DTNA: variants seen among roughly 807,000 people sequenced by gnomAD.
DTNA encodes the protein dystrobrevin alpha, also known as dystrophin-related protein 3.
A neutral mutation model predicts 100.7 loss-of-function variants in DTNA; 43 were observed. The ratio of observed to expected loss-of-function variants is 0.43; its 90% confidence interval spans 0.33 to 0.55. DTNA has a LOEUF of 0.55. DTNA is among the 20% of genes least tolerant of loss of function. The pLI is 0.04. For synonymous variants in DTNA, 349 were observed against 347.9 expected (o/e 1.00, Z -0.04); for missense variants, 798 against 953.9 (o/e 0.84, Z 2.15).
At chr18:34,574,430 AG>A (rs2047913390) in intron 1 of DTNA, 1 of 153,762 alleles carries the variant, frequency 6.5e-6, no homozygotes, top group Non-Finnish European at 1.4e-5. Context: ...ATACACACAG[AG>A]GAGTGGAAGT....
intron 1 of DTNA, among the ~76,000 whole-genome samples, chr18:34,685,784 T>C (rs1240877645): frequency 6.6e-6 from 1 of 152,232 alleles, no homozygotes; most frequent in African/African-American, 2.4e-5. Flanking sequence ...GGAATGTTTT[T>C]CCATTTGTTT....
At chr18:34,656,114 C>T (rs2074334423) in intron 1 of DTNA, among the ~76,000 whole-genome samples, 1 of 152,178 alleles carries the variant, frequency 6.6e-6, no homozygotes, top group Non-Finnish European at 1.5e-5. Flanking sequence ...GTTTGCATTA[C>T]AGGATGGTTT....
intron 3 of DTNA, among the ~76,000 whole-genome samples, chr18:34,778,708 A>C (rs775195053): frequency 6.6e-6 from 1 of 152,262 alleles, no homozygotes; most frequent in African/African-American, 2.4e-5. Context: ...AGTGACCTTC[A>C]TGGTACCCCT....
rs184833683 is a variant in DTNA at position 34,787,844 on chromosome 18, C to A, written c.149-6193C>A. ...CTATTTCCATTTATGTATGTAAAGA[C>A]AAATCTTAGGTCTTAATAATTAATG... On this transcript the variant is annotated intron_variant, in intron 3 of 22. Coordinates refer to ENST00000444659, the MANE Select transcript of DTNA (RefSeq NM_001386795.1). Among the ~76,000 whole-genome samples, 161 of 152,218 alleles carry A rather than the reference C, an allele frequency of 1.1e-3. 4 individuals carry two copies. Among genetic ancestry groups the A allele is most frequent in the Middle Eastern group, 6.8e-3 (2 of 294 alleles).
At position 34,820,985 on chromosome 18, in the gene DTNA, G is replaced by A. The variant is rs572834817; in HGVS notation, c.1001+70G>A. 10 of 1,608,020 alleles carry A rather than the reference G, an allele frequency of 6.2e-6. No individual in the cohort carries two copies. The Admixed American group carries it at 6.7e-5, about 11-fold the overall frequency. On this transcript the variant is annotated intron_variant, in intron 9 of 22. Transcript: ENST00000444659. ...GGCACATGTCTGGAGCCACACAAAAGCAATTTCCTATCAGTGGTCAGCAAC... is the reference window on the plus strand; with the variant it reads ...GGCACATGTCTGGAGCCACACAAAAACAATTTCCTATCAGTGGTCAGCAAC...
At chr18:34,671,063 G>A (rs909567426) in intron 1 of DTNA, among the ~76,000 whole-genome samples, 4 of 152,146 alleles carry the variant, frequency 2.6e-5, no homozygotes, top group Admixed American at 2.0e-4. Context: ...GCTGTGGTGG[G>A]CTCCACCCAG....
In DTNA at chr18:34,818,224, G is replaced by A. The variant is rs772676722; in HGVS notation, c.770G>A (p.Arg257Gln). Reference sequence around the variant, plus strand: ...GAGAGTATGATGGGATTTCGCTACCGATGCCAACAGTGTCACAATTACCAG... The same window carrying A: ...GAGAGTATGATGGGATTTCGCTACCAATGCCAACAGTGTCACAATTACCAG... Reference protein sequence around the residue: ...HSESMMGFRYRCQQCHNYQLC... With the variant: ...HSESMMGFRYQCQQCHNYQLC... The change falls in exon 8 of 23, where the codon CGA becomes CAA. Residue 257 changes from arginine (R) to glutamine (Q), a missense_variant. This residue lies in a region of DTNA where 81 missense variants were observed against 153.5 expected (regional missense o/e 0.53). Coordinates refer to ENST00000444659, the MANE Select transcript of DTNA (RefSeq NM_001386795.1). 5.0e-6 allele frequency: 8 copies of A among 1,613,980 alleles called. No homozygotes were observed. The highest frequency in any genetic ancestry group is 2.2e-5 in the South Asian group (2 of 91,076).
At chr18:34,718,276 A>G (rs1425315014) in intron 1 of DTNA, among the ~76,000 whole-genome samples, 1 of 152,196 alleles carries the variant, frequency 6.6e-6, no homozygotes. Flanking sequence ...ATGTAATGTA[A>G]CTGAGGTGGA....
chr18:34,665,715 T>C (rs1320496646), intron 1 of DTNA, among the ~76,000 whole-genome samples: 2 of 152,198 alleles, frequency 1.3e-5, no homozygotes, highest in Non-Finnish European at 2.9e-5. Flanking sequence ...AGAATGATGG[T>C]TTCTAGCTTC....
chr18:34,660,653 TACTTGGAG>T (rs374495504), intron 1 of DTNA, among the ~76,000 whole-genome samples: 19 of 152,276 alleles, frequency 1.2e-4, no homozygotes, highest in African/African-American at 4.6e-4. Context: ...TGAAGCCTGT[TACTTGGAG>T]ACTTCATCTG....
At chr18:34,549,318 T>C (rs1454234867) in intron 1 of DTNA, among the ~76,000 whole-genome samples, 1 of 152,098 alleles carries the variant, frequency 6.6e-6, no homozygotes, top group Non-Finnish European at 1.5e-5. Flanking sequence ...ATTTACATTA[T>C]ATAAAGCATT....
intron 1 of DTNA, among the ~76,000 whole-genome samples, chr18:34,753,375 TTTTTTTTATTTTTTA>T (rs1568412878): frequency 3.2e-5 from 3 of 92,760 alleles, no homozygotes; most frequent in Non-Finnish European, 6.2e-5. Context: ...TATTTTTTTT[TTTTTTTTATTTTTTA>T]TTTTTTTTTT....
intron 1 of DTNA, among the ~76,000 whole-genome samples, chr18:34,668,082 A>G (rs544524621): frequency 1.3e-5 from 2 of 152,186 alleles, no homozygotes; most frequent in Non-Finnish European, 2.9e-5. Flanking sequence ...GTAAGCTATT[A>G]ATTATTGCCT....
chr18:34,784,876 A>T (rs1177208339), intron 3 of DTNA, among the ~76,000 whole-genome samples: 1 of 151,412 alleles, frequency 6.6e-6, no homozygotes, highest in Admixed American at 6.6e-5. Flanking sequence ...ATCTTTCTCC[A>T]TATGTTACAG....
chr18:34,812,008 A>G lies in DTNA; in HGVS notation c.498A>G (p.Arg166=), dbSNP rs2095495915. ...CCAGTGGGGTGATGGTTTATGGACGATATGACCAATTCCTTCGGGAAGTTC... is the reference window on the plus strand; with the variant it reads ...CCAGTGGGGTGATGGTTTATGGACGGTATGACCAATTCCTTCGGGAAGTTC... ...SDSSGVMVYG[R]YDQFLREVLK... Residue 166 remains arginine, a synonymous_variant, in exon 6 of 23, where the codon CGA becomes CGG. Coordinates refer to ENST00000444659, the MANE Select transcript of DTNA (RefSeq NM_001386795.1). 2 of 1,614,110 alleles carry G rather than the reference A, an allele frequency of 1.2e-6. No homozygotes were observed. The highest frequency in any genetic ancestry group is 1.7e-6 in the Non-Finnish European group (2 of 1,179,978).
At chr18:34,496,215 C>T (rs1298922243) in intron 1 of DTNA, among the ~76,000 whole-genome samples, 3 of 150,898 alleles carry the variant, frequency 2.0e-5, no homozygotes, top group Non-Finnish European at 4.4e-5. Flanking sequence ...AACACACACA[C>T]ACACACACAC....
chr18:34,685,285 G>A (rs906650968), intron 1 of DTNA, among the ~76,000 whole-genome samples: 2 of 152,146 alleles, frequency 1.3e-5, no homozygotes, highest in African/African-American at 2.4e-5. Context: ...TTACATTTAA[G>A]TCTTTAATCC....
chr18:34,737,799 A>G (rs1317505569), intron 1 of DTNA: 1 of 152,186 alleles, frequency 6.6e-6, no homozygotes, highest in Non-Finnish European at 1.5e-5. Flanking sequence ...TAGTCAGTGT[A>G]GTGCTCCCTA....
intron 1 of DTNA, among the ~76,000 whole-genome samples, chr18:34,679,179 C>G (rs2077760390): frequency 6.6e-6 from 1 of 152,178 alleles, no homozygotes; most frequent in Admixed American, 6.6e-5. Context: ...ACCCAATGTT[C>G]CAGGCAACTA....
Sources: gnomAD v4.1 joint callset for allele counts (sites outside exome capture counted in the v4.1 genomes callset) on GRCh38, gnomAD v4.1.1 for gene constraint, gnomAD v4.1.1 regional missense constraint, MANE v1.5 for transcripts, NCBI Gene and HGNC (gene_info 2026-07-23, HGNC 2026-07-21) for gene names.